Variants in CD2AP observed in about 807,000 individuals in gnomAD.
CD2AP encodes CD2-associated protein.
In CD2AP, 46 loss-of-function variants were observed where a neutral mutation model predicts 85.1. The observed-to-expected ratio is 0.54, with a 90% CI of 0.43 to 0.69. The LOEUF (loss-of-function observed/expected upper bound fraction) is 0.69. Among genes scored for constraint, CD2AP ranks in the 30% least tolerant of loss-of-function variants. CD2AP has a pLI of 0.00. For missense variants in CD2AP, 769 were observed against 729.5 expected (o/e 1.05, Z -0.62); for synonymous variants, 255 against 252.9 (o/e 1.01, Z -0.08).
chr6:47,501,254 A>G (rs1765990166), intron 1 of CD2AP, among the ~76,000 whole-genome samples: 1 of 152,172 alleles, frequency 6.6e-6, no homozygotes, highest in Non-Finnish European at 1.5e-5. Flanking sequence ...GAATTCCTTC[A>G]TCTCATGCTT....
chr6:47,485,589 G>A (rs1765548344), intron 1 of CD2AP, among the ~76,000 whole-genome samples: 1 of 152,082 alleles, frequency 6.6e-6, no homozygotes, highest in African/African-American at 2.4e-5. Context: ...ATAAAAAAAT[G>A]TAGTTAGCTT....
intron 10 of CD2AP, among the ~76,000 whole-genome samples, 167 bp from the exon 11 acceptor site, chr6:47,581,836 G>A (rs529924896): frequency 5.9e-4 from 90 of 152,212 alleles, no homozygotes; most frequent in African/African-American, 2.1e-3. Context: ...ATAGTGGCAG[G>A]TCCAGGATTA....
chr6:47,591,890 T>C (rs1397259107), intron 11 of CD2AP, among the ~76,000 whole-genome samples: 19 of 152,080 alleles, frequency 1.2e-4, no homozygotes, highest in Admixed American at 1.2e-3. Context: ...TGCAGTGATG[T>C]CATAGCCCAC....
At position 47,599,460 on chromosome 6, in the gene CD2AP, A is replaced by G; in HGVS notation, c.1417+17A>G. 1 of 1,608,828 alleles carries G rather than the reference A, an allele frequency of 6.2e-7. No individual in the cohort carries two copies. Among genetic ancestry groups the G allele is most frequent in the Non-Finnish European group, 8.5e-7 (1 of 1,176,734 alleles). On this transcript the variant is annotated intron_variant, in intron 13 of 17. Coordinates refer to ENST00000359314, the MANE Select transcript of CD2AP (RefSeq NM_012120.3). The stretch of plus-strand genomic sequence containing the variant: ...AAGAAACAGGTAAGTCAGCATGGAC[A>G]GCGGTGGTGCATTTAAAAAAAAAAA...
intron 11 of CD2AP, chr6:47,582,307 G>A: frequency 2.8e-6 from 1 of 358,698 alleles, no homozygotes; most frequent in Non-Finnish European, 5.2e-6. Flanking sequence ...TTCACAGACT[G>A]TATAAGAAAA....
chr6:47,616,374 A>G (rs998032901), intron 17 of CD2AP, among the ~76,000 whole-genome samples: 4 of 152,128 alleles, frequency 2.6e-5, no homozygotes, highest in Non-Finnish European at 4.4e-5. Context: ...GATTACAGGC[A>G]TGAGCCACTG....
intron 11 of CD2AP, 130 bp from the exon 12 acceptor site, chr6:47,595,731 A>G (rs959777163): frequency 1.5e-5 from 10 of 688,012 alleles, no homozygotes; most frequent in South Asian, 1.4e-4. Flanking sequence ...GTGCACATGT[A>G]TACAAATACA....
chr6:47,550,728 C>T (rs1767495309), intron 4 of CD2AP, among the ~76,000 whole-genome samples: 1 of 151,930 alleles, frequency 6.6e-6, no homozygotes, highest in African/African-American at 2.4e-5. Flanking sequence ...GATAGTTGCA[C>T]ACACATGTTT....
intron 5 of CD2AP, among the ~76,000 whole-genome samples, chr6:47,557,958 G>A (rs1298982382): frequency 6.6e-6 from 1 of 152,152 alleles, no homozygotes; most frequent in Non-Finnish European, 1.5e-5. Context: ...CTATCCATTA[G>A]CATGGAATGT....
rs1265624089 is a variant in CD2AP, at chr6:47,609,527, AAAAAG to A, written c.1814+243_1814+247del. ...CCCCATCTTTGCAAAAAAAAAAAAA[AAAAAG>A]AAAAGAAAAGAAAAGAAAAAGCCAG... is the stretch of plus-strand genomic sequence containing the variant. On this transcript the variant is annotated intron_variant, in intron 16 of 17. Coordinates refer to ENST00000359314, the MANE Select transcript of CD2AP (RefSeq NM_012120.3). 369 of 366,544 alleles carry A rather than the reference AAAAAG, an allele frequency of 1.0e-3. 1 individual carries two copies. Among genetic ancestry groups the A allele is most frequent in the South Asian group, 8.7e-3 (260 of 30,014 alleles). 22.7% of individuals were successfully genotyped at this position (366,544 alleles called of 1,614,324 possible). A position where few individuals can be genotyped will look rare whatever the true frequency, so the allele number is the denominator to read the frequency against.
chr6:47,540,199 A>G (rs944825469), intron 3 of CD2AP, among the ~76,000 whole-genome samples: 2 of 151,558 alleles, frequency 1.3e-5, no homozygotes, highest in African/African-American at 4.8e-5. Flanking sequence ...AAAAAGAAAA[A>G]AGAAAAAATA....
At chr6:47,599,221 C>T in intron 12 of CD2AP, 80 bp from the exon 13 acceptor site, 2 of 1,239,294 alleles carry the variant, frequency 1.6e-6, no homozygotes, top group Non-Finnish European at 2.3e-6. Context: ...GCCATACAAT[C>T]TTTAATGTCA....
chr6:47,597,349 T>G (rs1719298786), intron 12 of CD2AP, among the ~76,000 whole-genome samples: 2 of 150,528 alleles, frequency 1.3e-5, no homozygotes, highest in Non-Finnish European at 3.0e-5. Context: ...ACTAGCTTTC[T>G]CAGGCCTTGC....
chr6:47,588,955 T>C (rs371723532), intron 11 of CD2AP, among the ~76,000 whole-genome samples: 12 of 152,248 alleles, frequency 7.9e-5, no homozygotes, highest in African/African-American at 2.6e-4. Flanking sequence ...AGTGTAATCA[T>C]ATGAAAGTAG....
chr6:47,530,821 G>A (rs1228002212), intron 2 of CD2AP, among the ~76,000 whole-genome samples: 1 of 152,180 alleles, frequency 6.6e-6, no homozygotes, highest in East Asian at 1.9e-4. Flanking sequence ...TTACTTTAGT[G>A]TCTGTTGAAC....
intron 2 of CD2AP, among the ~76,000 whole-genome samples, chr6:47,505,523 C>CGTTCTCAA (rs1391876238): frequency 1.1e-4 from 17 of 149,526 alleles, no homozygotes; most frequent in African/African-American, 4.2e-4. Flanking sequence ...CATCCTGGCC[C>CGTTCTCAA]GTTCTCAATG....
At chr6:47,585,031 C>G (rs955453809) in intron 11 of CD2AP, among the ~76,000 whole-genome samples, 8 of 151,884 alleles carry the variant, frequency 5.3e-5, no homozygotes, top group African/African-American at 1.9e-4. Flanking sequence ...CGGTGTCTTA[C>G]GCCTGTAATC....
intron 8 of CD2AP, among the ~76,000 whole-genome samples, chr6:47,577,794 T>A (rs575972265): frequency 7.4e-4 from 112 of 152,128 alleles, no homozygotes; most frequent in African/African-American, 2.5e-3. Context: ...TCCAGGCTGG[T>A]CTCAAACTCT....
chr6:47,507,394 T>C (rs1766200346), intron 2 of CD2AP, among the ~76,000 whole-genome samples: 1 of 152,206 alleles, frequency 6.6e-6, no homozygotes, highest in Admixed American at 6.5e-5. Flanking sequence ...TAGAAACCTT[T>C]CCGGGAGGTT....
Sources: gnomAD v4.1 joint callset for allele counts (sites outside exome capture counted in the v4.1 genomes callset) on GRCh38, gnomAD v4.1.1 for gene constraint, MANE v1.5 for transcripts, NCBI Gene and HGNC (gene_info 2026-07-23, HGNC 2026-07-21) for gene names.